The following CEP112 variants were observed in gnomAD, a reference collection of about 807,000 sequenced individuals.
CEP112 encodes centrosomal protein of 112 kDa.
Under a neutral mutation model 153.0 loss-of-function variants are expected in CEP112, and 127 were observed. That is an observed-to-expected ratio of 0.83 (90% confidence interval 0.72 to 0.96). The LOEUF (loss-of-function observed/expected upper bound fraction) is 0.96. Ranked by LOEUF, CEP112 falls within the 40% of genes least tolerant of loss-of-function variation. The pLI is 0.00. For synonymous variants in CEP112, 358 were observed against 374.4 expected, an observed-to-expected ratio of 0.96 and a Z score of 0.51; for missense variants, 1,089 against 1,101.2, an observed-to-expected ratio of 0.99 and a Z score of 0.16.
At chr17:65,764,808 C>T (rs1019955035) in intron 21 of CEP112, among the ~76,000 whole-genome samples, 1 of 149,128 alleles carries the variant, frequency 6.7e-6, no homozygotes, top group Admixed American at 6.7e-5. Flanking sequence ...TGTTTATTGT[C>T]TCCTGGTTGT....
chr17:65,971,433 T>G (rs2062798803), intron 17 of CEP112, among the ~76,000 whole-genome samples: 1 of 53,598 alleles, frequency 1.9e-5, no homozygotes, highest in Non-Finnish European at 4.0e-5. Flanking sequence ...GCATGCATGT[T>G]ACATGGATGC....
At chr17:66,127,869 G>C (rs1017357817) in intron 6 of CEP112, among the ~76,000 whole-genome samples, 7 of 152,042 alleles carry the variant, frequency 4.6e-5, no homozygotes, top group African/African-American at 1.7e-4. Context: ...CAACATTTCC[G>C]TTTCTCAGAA....
chr17:66,037,110 A>G (rs2065771657), intron 12 of CEP112, among the ~76,000 whole-genome samples: 1 of 152,218 alleles, frequency 6.6e-6, no homozygotes, highest in African/African-American at 2.4e-5. Context: ...TCTATTTGCT[A>G]AAGGAACAGA....
At chr17:65,701,460 G>A (rs2048628034) in intron 23 of CEP112, among the ~76,000 whole-genome samples, 1 of 152,142 alleles carries the variant, frequency 6.6e-6, no homozygotes, top group Non-Finnish European at 1.5e-5. Flanking sequence ...AATCATGGAA[G>A]GAACAGTTTT....
chr17:65,902,846 C>T (rs879328554), intron 19 of CEP112, among the ~76,000 whole-genome samples: 2 of 152,002 alleles, frequency 1.3e-5, no homozygotes, highest in African/African-American at 4.8e-5. Context: ...TTGTCAGCTA[C>T]GGTATACCAA....
chr17:66,049,848 C>G (rs1395272332), intron 12 of CEP112, among the ~76,000 whole-genome samples: 1 of 151,820 alleles, frequency 6.6e-6, no homozygotes, highest in African/African-American at 2.4e-5. Flanking sequence ...GTAACTCTAC[C>G]AAAGAATTAA....
At chr17:66,122,901 C>A (rs1162009324) in intron 6 of CEP112, among the ~76,000 whole-genome samples, 1 of 152,152 alleles carries the variant, frequency 6.6e-6, no homozygotes, top group Non-Finnish European at 1.5e-5. Flanking sequence ...TAGGAACTAC[C>A]AGTCTCCTCT....
chr17:65,963,674 GGTGTGTGTGTGT>G (rs58215209), intron 17 of CEP112, among the ~76,000 whole-genome samples: 3 of 147,542 alleles, frequency 2.0e-5, no homozygotes, highest in Non-Finnish European at 4.5e-5. Flanking sequence ...TATAGATAGG[GGTGTGTGTGTGT>G]GTGTGTGTGT....
At chr17:65,890,199 G>A (rs542993410) in intron 20 of CEP112, among the ~76,000 whole-genome samples, 4 of 152,120 alleles carry the variant, frequency 2.6e-5, no homozygotes, top group Non-Finnish European at 5.9e-5. Flanking sequence ...GGGATAATAA[G>A]TGTAACAAGT....
At chr17:65,851,329 A>T (rs2057922459) in intron 21 of CEP112, among the ~76,000 whole-genome samples, 1 of 152,214 alleles carries the variant, frequency 6.6e-6, no homozygotes, top group Non-Finnish European at 1.5e-5. Flanking sequence ...ACTTCTAAAA[A>T]GACTTTTCTT....
chr17:66,087,948 G>T (rs960441083), intron 8 of CEP112, among the ~76,000 whole-genome samples: 1 of 151,932 alleles, frequency 6.6e-6, no homozygotes, highest in Non-Finnish European at 1.5e-5. Context: ...CAGTACCCCA[G>T]GACTGACCCT....
At chr17:66,133,087 CAA>C (rs202109985) in intron 4 of CEP112, among the ~76,000 whole-genome samples, 12 of 127,312 alleles carry the variant, frequency 9.4e-5, no homozygotes, top group Admixed American at 1.6e-4. Context: ...TGTTCCACAT[CAA>C]AAAAAAAAAA....
chr17:66,158,507 G>GC (rs2071545528), intron 4 of CEP112, among the ~76,000 whole-genome samples: 1 of 152,116 alleles, frequency 6.6e-6, no homozygotes. Context: ...AGCTACACAG[G>GC]AGGCTGAGAC....
intron 4 of CEP112, among the ~76,000 whole-genome samples, chr17:66,137,792 C>T (rs930165438): frequency 3.3e-5 from 5 of 152,100 alleles, no homozygotes; most frequent in Non-Finnish European, 7.3e-5. Flanking sequence ...ATCACCACTA[C>T]ACTTGACTTA....
chr17:65,688,081 T>C (rs1300594179), intron 24 of CEP112: 1 of 152,210 alleles, frequency 6.6e-6, no homozygotes, highest in African/African-American at 2.4e-5. Flanking sequence ...TAATTTATTA[T>C]AACCAGAAGA....
At chr17:66,094,157 T>C (rs955987443) in intron 8 of CEP112, among the ~76,000 whole-genome samples, 4 of 152,118 alleles carry the variant, frequency 2.6e-5, no homozygotes, top group Non-Finnish European at 4.4e-5. Flanking sequence ...CCTCCCAGGT[T>C]CAAGCGATTC....
At chr17:66,133,166 T>A (rs2070277405) in intron 4 of CEP112, among the ~76,000 whole-genome samples, 2 of 152,166 alleles carry the variant, frequency 1.3e-5, no homozygotes, top group Non-Finnish European at 2.9e-5. Context: ...AGAAGTTACA[T>A]AAATGCCACA....
intron 17 of CEP112, among the ~76,000 whole-genome samples, chr17:65,982,916 A>T (rs2063279724): frequency 1.3e-5 from 2 of 152,244 alleles, no homozygotes; most frequent in African/African-American, 4.8e-5. Flanking sequence ...GCTGCACTGT[A>T]GATGAACCTA....
chr17:65,938,143 T>G (rs1462208121), intron 18 of CEP112, among the ~76,000 whole-genome samples: 1 of 127,618 alleles, frequency 7.8e-6, no homozygotes. Context: ...CTCTGAAACA[T>G]GTGCTGTGTC....
Sources: allele counts gnomAD v4.1 joint callset (sites outside exome capture counted in the v4.1 genomes callset), GRCh38; gene constraint gnomAD v4.1.1; transcripts MANE v1.5; gene names NCBI Gene and HGNC (gene_info 2026-07-23, HGNC 2026-07-21).